ITPRID1: variants seen among roughly 807,000 people sequenced by gnomAD.
ITPRID1 encodes ITPR interacting domain containing 1, also known as protein ITPRID1.
ITPRID1 carries 96 observed loss-of-function variants against 95.4 expected under a neutral mutation model. The ratio of observed to expected loss-of-function variants is 1.01; its 90% CI spans 0.85 to 1.19. ITPRID1 has a LOEUF of 1.19. ITPRID1 is among the 50% of genes most tolerant of loss of function. The pLI is 0.00. For missense variants in ITPRID1, 1,339 were observed against 1,252.9 expected (o/e 1.07, Z -1.04); for synonymous variants, 510 against 453.6 (o/e 1.12, Z -1.58).
chr7:31,602,836 T>C (rs1786452907), intron 10 of ITPRID1, among the ~76,000 whole-genome samples: 1 of 152,074 alleles, frequency 6.6e-6, no homozygotes, highest in South Asian at 2.1e-4. Context: ...TTTCTCTCTC[T>C]GGTTATTTAT....
chr7:31,651,337 G>A, intron 13 of ITPRID1, 68 bp downstream of exon 13: 2 of 1,562,524 alleles, frequency 1.3e-6, no homozygotes, highest in Non-Finnish European at 1.7e-6. Context: ...AGATAATCAG[G>A]GCAGAACAGA....
chr7:31,565,281 C>T (rs575637587), intron 5 of ITPRID1, among the ~76,000 whole-genome samples: 2 of 152,296 alleles, frequency 1.3e-5, no homozygotes, highest in African/African-American at 4.8e-5. Flanking sequence ...AATTTTATAA[C>T]AACTTTTAAA....
chr7:31,520,126 A>G (rs1202116732), intron 1 of ITPRID1, among the ~76,000 whole-genome samples: 2 of 151,902 alleles, frequency 1.3e-5, no homozygotes, highest in African/African-American at 4.8e-5. Flanking sequence ...TTTTTTTTCA[A>G]GTGGAATTTG....
At chr7:31,523,022 G>A (rs1783315284) in intron 1 of ITPRID1, among the ~76,000 whole-genome samples, 1 of 152,198 alleles carries the variant, frequency 6.6e-6, no homozygotes, top group African/African-American at 2.4e-5. Context: ...GTGCAATGTA[G>A]ATAGTGAGTT....
At position 31,655,084 on chromosome 7, in the gene ITPRID1, C is replaced by CTCT. The variant is rs1791233033; in HGVS notation, c.*2256_*2258dup. On this transcript the variant is annotated 3_prime_UTR_variant, in exon 15 of 15. Coordinates refer to ENST00000615280, the MANE Select transcript of ITPRID1 (RefSeq NM_001257967.3). ...AAGCATCTATGACCCTGATTCCCAG[C>CTCT]TCTCTCCAGTATCCCAGCCCAGCAT... Among the ~76,000 whole-genome samples, 1 of 152,188 alleles carries CTCT rather than the reference C, an allele frequency of 6.6e-6. No individual in the cohort carries two copies. Among genetic ancestry groups the CTCT allele is most frequent in the South Asian group, 2.1e-4 (1 of 4,828 alleles).
chr7:31,541,170 T>C (rs956177498), intron 1 of ITPRID1, among the ~76,000 whole-genome samples: 22 of 152,220 alleles, frequency 1.4e-4, no homozygotes, highest in African/African-American at 5.3e-4. Flanking sequence ...CTCAAAAGTT[T>C]ATTTGACTTT....
rs1264138396 is a variant in ITPRID1, at chr7:31,544,370, T to A, written c.-97-5056T>A. 2.0e-5 allele frequency among the ~76,000 whole-genome samples: 3 copies of A among 152,154 alleles called. No individual in the cohort carries two copies. In the South Asian group the frequency reaches 6.2e-4, roughly 31 times the overall value. On this transcript the variant is annotated intron_variant, in intron 1 of 14. Coordinates refer to ENST00000615280, the MANE Select transcript of ITPRID1 (RefSeq NM_001257967.3). ...TCACAGAAGATGACCTGTTATTTTG[T>A]TAAACTAATATTAAAGAACATACGT... is the stretch of plus-strand genomic sequence containing the variant.
chr7:31,584,933 T>G (rs1380756503), intron 10 of ITPRID1, among the ~76,000 whole-genome samples: 1 of 152,258 alleles, frequency 6.6e-6, no homozygotes, highest in African/African-American at 2.4e-5. Context: ...CTCACTCAGC[T>G]GCTTCCTGAC....
At chr7:31,612,860 A>C (rs1786938831) in intron 10 of ITPRID1, among the ~76,000 whole-genome samples, 1 of 152,134 alleles carries the variant, frequency 6.6e-6, no homozygotes, top group African/African-American at 2.4e-5. Flanking sequence ...GATCCACACG[A>C]ATATGTCAGA....
intron 13 of ITPRID1, 122 bp downstream of exon 13, chr7:31,651,391 C>A: frequency 8.6e-7 from 1 of 1,169,584 alleles, no homozygotes; most frequent in Non-Finnish European, 1.1e-6. Context: ...GCCAGCTTTT[C>A]CTTTGCTTTC....
intron 1 of ITPRID1, among the ~76,000 whole-genome samples, chr7:31,519,642 AT>A (rs1562543202): frequency 8.3e-5 from 11 of 133,152 alleles, no homozygotes; most frequent in South Asian, 5.1e-4. Context: ...ATATATATAT[AT>A]ATAAATCTTA....
At chr7:31,554,716 C>A in intron 4 of ITPRID1, 142 bp from the exon 5 acceptor site, 1 of 962,882 alleles carries the variant, frequency 1.0e-6, no homozygotes, top group Non-Finnish European at 1.6e-6. Context: ...TACTCTAGTC[C>A]CTGACTGTTT....
chr7:31,641,277 A>G (rs1789990727), intron 10 of ITPRID1, among the ~76,000 whole-genome samples: 1 of 152,136 alleles, frequency 6.6e-6, no homozygotes, highest in South Asian at 2.1e-4. Flanking sequence ...CCAAATACTC[A>G]AGCATTGTAT....
chr7:31,656,948 G>A (rs1483828752), downstream of ITPRID1, among the ~76,000 whole-genome samples: 1 of 149,740 alleles, frequency 6.7e-6, no homozygotes, highest in African/African-American at 2.5e-5. Flanking sequence ...TGCTGATGCT[G>A]CCTCCAAATA....
Position 31,619,996 on chromosome 7 carries a change from C to T in ITPRID1, c.1229-22180C>T, listed in dbSNP as rs545345548. 1.1e-3 allele frequency among the ~76,000 whole-genome samples: 166 copies of T among 152,284 alleles called. 1 individual carries two copies. The highest frequency in any genetic ancestry group is 3.5e-3 in the African/African-American group (145 of 41,576). On this transcript the variant is annotated intron_variant, in intron 10 of 14. Coordinates refer to ENST00000615280, the MANE Select transcript of ITPRID1 (RefSeq NM_001257967.3). ...GGCGGGTCCTACGCCCACGGAGTCTCGCTGATTGCTAGCACAGCAGTCTGA... is the reference window on the plus strand; with the variant it reads ...GGCGGGTCCTACGCCCACGGAGTCTTGCTGATTGCTAGCACAGCAGTCTGA...
intron 9 of ITPRID1, among the ~76,000 whole-genome samples, chr7:31,580,654 C>T (rs1375254812): frequency 6.8e-6 from 1 of 147,968 alleles, no homozygotes; most frequent in Non-Finnish European, 1.5e-5. Flanking sequence ...GAAACACACT[C>T]AGACACCAAA....
At chr7:31,529,177 T>A (rs1783515285) in intron 1 of ITPRID1, among the ~76,000 whole-genome samples, 1 of 152,204 alleles carries the variant, frequency 6.6e-6, no homozygotes, top group African/African-American at 2.4e-5. Flanking sequence ...TGTGTATGTT[T>A]TGCTCCCTCT....
chr7:31,633,199 T>C (rs761078369), intron 10 of ITPRID1, among the ~76,000 whole-genome samples: 5 of 152,118 alleles, frequency 3.3e-5, no homozygotes, highest in Non-Finnish European at 7.4e-5. Context: ...CTGGGGAGAT[T>C]TACGCTGAGG....
At chr7:31,550,584 T>G (rs1020477290) in intron 2 of ITPRID1, among the ~76,000 whole-genome samples, 6 of 152,146 alleles carry the variant, frequency 3.9e-5, no homozygotes, top group Admixed American at 3.9e-4. Context: ...GGAAGGCCAT[T>G]CAAGCTTTAG....
Sources: gnomAD v4.1 joint callset for allele counts (sites outside exome capture counted in the v4.1 genomes callset) on GRCh38, gnomAD v4.1.1 for gene constraint, MANE v1.5 for transcripts, NCBI Gene and HGNC (gene_info 2026-07-23, HGNC 2026-07-21) for gene names.